Variants in KCNIP4 observed in about 807,000 individuals in gnomAD.
KCNIP4 encodes the protein potassium voltage-gated channel interacting protein 4.
A neutral mutation model predicts 34.0 loss-of-function variants in KCNIP4; 12 were observed. The observed-to-expected ratio is 0.35, with a 90% CI of 0.23 to 0.57. KCNIP4 has a LOEUF of 0.57. KCNIP4 is among the 20% of genes least tolerant of loss of function. The pLI is 0.83. For missense variants in KCNIP4, 238 were observed against 311.7 expected (o/e 0.76, Z 1.78); for synonymous variants, 124 against 102.2 (o/e 1.21, Z -1.29).
At chr4:21,511,000 T>C (rs1407470964) in intron 1 of KCNIP4, among the ~76,000 whole-genome samples, 1 of 152,086 alleles carries the variant, frequency 6.6e-6, no homozygotes, top group Admixed American at 6.6e-5. Context: ...GCTGAGATTG[T>C]TCCACTGCAC....
At chr4:21,422,252 G>A (rs1030709241) in intron 1 of KCNIP4, among the ~76,000 whole-genome samples, 16 of 150,628 alleles carry the variant, frequency 1.1e-4, no homozygotes, top group African/African-American at 3.7e-4. Context: ...CTGGAGTGCA[G>A]TGCAGTGGCT....
chr4:21,946,153 C>A (rs2109025167), intron 1 of KCNIP4, among the ~76,000 whole-genome samples: 1 of 151,992 alleles, frequency 6.6e-6, no homozygotes, highest in South Asian at 2.1e-4. Flanking sequence ...GTAGTTTCAT[C>A]CTTTGCCTTT....
chr4:21,068,667 G>A (rs1744626312), intron 1 of KCNIP4, among the ~76,000 whole-genome samples: 1 of 152,044 alleles, frequency 6.6e-6, no homozygotes, highest in African/African-American at 2.4e-5. Flanking sequence ...CTTCAATGAG[G>A]ACTTTCATGG....
chr4:21,306,583 T>C (rs778061388), intron 1 of KCNIP4, among the ~76,000 whole-genome samples: 1 of 152,190 alleles, frequency 6.6e-6, no homozygotes, highest in Non-Finnish European at 1.5e-5. Context: ...CTTTGGAACA[T>C]GAAAAGCATC....
At chr4:21,731,447 A>T (rs1270762646) in intron 1 of KCNIP4, among the ~76,000 whole-genome samples, 1 of 152,196 alleles carries the variant, frequency 6.6e-6, no homozygotes, top group Non-Finnish European at 1.5e-5. Flanking sequence ...AAATATTTAT[A>T]TGAAGAGTAG....
intron 1 of KCNIP4, among the ~76,000 whole-genome samples, chr4:21,831,663 C>CAA (rs141374886): frequency 0.34 from 25,090 of 73,046 alleles, 6,307 homozygotes; most frequent in East Asian, 0.67. Context: ...CATTTTTCAT[C>CAA]AAAAAAAAAA....
At chr4:20,971,962 C>T (rs1734991381) in intron 1 of KCNIP4, among the ~76,000 whole-genome samples, 1 of 152,206 alleles carries the variant, frequency 6.6e-6, no homozygotes, top group Non-Finnish European at 1.5e-5. Context: ...TTCATAGCCT[C>T]TTCACCAGGA....
At chr4:21,467,559 G>A (rs921678334) in intron 1 of KCNIP4, among the ~76,000 whole-genome samples, 1 of 152,144 alleles carries the variant, frequency 6.6e-6, no homozygotes, top group Non-Finnish European at 1.5e-5. Flanking sequence ...AAGATAAAAG[G>A]AAGGAAGCAA....
At chr4:21,599,847 TA>T (rs979859405) in intron 1 of KCNIP4, among the ~76,000 whole-genome samples, 13 of 152,046 alleles carry the variant, frequency 8.6e-5, no homozygotes, top group Non-Finnish European at 1.3e-4. Flanking sequence ...AGATAACCTA[TA>T]AATATTGGAG....
chr4:20,916,450 A>G (rs1728824467), intron 1 of KCNIP4: 1 of 585,198 alleles, frequency 1.7e-6, no homozygotes, highest in Non-Finnish European at 2.2e-6. Flanking sequence ...TCTGTGTGCA[A>G]TCTAGGAGAA....
intron 1 of KCNIP4, among the ~76,000 whole-genome samples, chr4:21,637,698 G>A (rs1378523863): frequency 1.3e-5 from 2 of 149,008 alleles, no homozygotes; most frequent in Non-Finnish European, 3.0e-5. Context: ...CAGGAGAATC[G>A]CTTGAACCCC....
chr4:21,256,260 C>T (rs376109616), intron 1 of KCNIP4, among the ~76,000 whole-genome samples: 4 of 151,910 alleles, frequency 2.6e-5, no homozygotes, highest in African/African-American at 7.3e-5. Flanking sequence ...GCATATCAAA[C>T]GGGCAGAAAG....
intron 1 of KCNIP4, among the ~76,000 whole-genome samples, chr4:20,931,999 T>C (rs1730527319): frequency 2.4e-5 from 1 of 42,450 alleles, no homozygotes; most frequent in Non-Finnish European, 4.1e-5. Flanking sequence ...TCTAATATTG[T>C]AGACTATAAT....
chr4:21,923,680 T>C (rs1729069279), intron 1 of KCNIP4, among the ~76,000 whole-genome samples: 1 of 152,178 alleles, frequency 6.6e-6, no homozygotes, highest in South Asian at 2.1e-4. Context: ...CCACGAAGTC[T>C]TCCCCTCCAG....
chr4:21,080,886 G>T (rs909590444), intron 1 of KCNIP4, among the ~76,000 whole-genome samples: 10 of 151,784 alleles, frequency 6.6e-5, no homozygotes, highest in Middle Eastern at 3.4e-3. Flanking sequence ...TCTACAGAAA[G>T]AATTAATAAA....
At chr4:21,453,559 A>C (rs184404508) in intron 1 of KCNIP4, among the ~76,000 whole-genome samples, 1 of 151,966 alleles carries the variant, frequency 6.6e-6, no homozygotes, top group African/African-American at 2.4e-5. Context: ...TCTTCATGCC[A>C]GTCTCACCCT....
intron 1 of KCNIP4, among the ~76,000 whole-genome samples, chr4:21,764,848 G>A (rs1718299106): frequency 6.6e-6 from 1 of 152,100 alleles, no homozygotes; most frequent in Admixed American, 6.6e-5. Context: ...CTGGAGGGGA[G>A]ATGTGGAGTG....
chr4:21,467,104 A>ACG lies in KCNIP4; in HGVS notation c.61+481466_61+481467insCG, dbSNP rs1200958195. On this transcript the variant is annotated intron_variant, in intron 1 of 8. Coordinates refer to ENST00000382152, the MANE Select transcript of KCNIP4 (RefSeq NM_025221.6). ...CACACACACACACACACACACACAC[A>ACG]CACACACACACACAAAACAGAACAT... 4.6e-4 allele frequency among the ~76,000 whole-genome samples: 68 copies of ACG among 149,096 alleles called. 1 individual carries two copies. The highest frequency in any genetic ancestry group is 1.7e-3 in the South Asian group (8 of 4,692).
At chr4:20,832,386 T>A (rs992787316) in intron 3 of KCNIP4, among the ~76,000 whole-genome samples, 1 of 152,176 alleles carries the variant, frequency 6.6e-6, no homozygotes, top group African/African-American at 2.4e-5. Flanking sequence ...GGCCCATTTA[T>A]GCAAAGCCAA....
Sources: allele counts gnomAD v4.1 joint callset (sites outside exome capture counted in the v4.1 genomes callset), GRCh38; gene constraint gnomAD v4.1.1; transcripts MANE v1.5; gene names NCBI Gene and HGNC (gene_info 2026-07-23, HGNC 2026-07-21).